The following MICU1 variants were observed in gnomAD, a reference collection of about 807,000 sequenced individuals.
MICU1 encodes the protein calcium uptake protein 1, mitochondrial.
Under a neutral mutation model 56.8 loss-of-function variants are expected in MICU1, and 45 were observed. The observed-to-expected ratio is 0.79, with a 90% confidence interval of 0.62 to 1.02. MICU1 has a LOEUF of 1.02. Ranked by LOEUF, MICU1 falls within the 50% of genes least tolerant of loss-of-function variation. The probability of loss-of-function intolerance (pLI) is 0.00; values close to 1 mark genes in which losing one functional copy is unlikely to be tolerated. For synonymous variants in MICU1, 186 were observed against 195.1 expected, an observed-to-expected ratio of 0.95 and a Z score of 0.39; for missense variants, 504 against 587.1, an observed-to-expected ratio of 0.86 and a Z score of 1.46.
intron 8 of MICU1, among the ~76,000 whole-genome samples, chr10:72,465,115 C>G (rs1865749341): frequency 6.6e-6 from 1 of 152,130 alleles, no homozygotes; most frequent in Admixed American, 6.5e-5. Context: ...ATTCTCATGC[C>G]TCAGCCTCCC....
Position 72,563,057 on chromosome 10 carries a change from A to G in MICU1, c.168T>C (p.His56=). 1 of 1,569,454 alleles carries G rather than the reference A, an allele frequency of 6.4e-7. No individual in the cohort carries two copies. ...TGTCTACACATGGTGGAGATTCTGC[A>G]TGGGCCCTGGATATGCAAAAAAGAA... ...ASTGLLWKRA[H]AESPPCVDNL... The change falls in exon 3 of 12, where the codon CAT becomes CAC. Residue 56 remains histidine (H), a synonymous_variant. Coordinates refer to ENST00000361114, the MANE Select transcript of MICU1 (RefSeq NM_001195518.2).
intron 1 of MICU1, among the ~76,000 whole-genome samples, chr10:72,578,506 C>T (rs1589361646): frequency 6.7e-6 from 1 of 149,678 alleles, no homozygotes. Flanking sequence ...CTCAGTTGAT[C>T]TGCCTGCCTC....
chr10:72,602,534 T>C (rs1350819019), intron 1 of MICU1, among the ~76,000 whole-genome samples: 2 of 152,178 alleles, frequency 1.3e-5, no homozygotes, highest in African/African-American at 4.8e-5. Flanking sequence ...TCATGTCTGT[T>C]TAGGATACAA....
In MICU1 at chr10:72,575,939, C is replaced by T. The variant is rs186631588; in HGVS notation, c.-1-9145G>A. The stretch of plus-strand genomic sequence containing the variant: ...AATCAAAAGCTAGAAGTGGGCCGGG[C>T]GCGGTGGCTCACGCCTGTAATCCCA... On this transcript the variant is annotated intron_variant, in intron 1 of 11. Transcript: ENST00000361114. Among the ~76,000 whole-genome samples the T allele has an allele frequency of 4.3e-4, 66 of 152,260 alleles. 1 individual carries two copies. The highest frequency in any genetic ancestry group is 1.4e-3 in the African/African-American group (58 of 41,548).
intron 1 of MICU1, among the ~76,000 whole-genome samples, chr10:72,619,555 G>T (rs1055580765): frequency 8.5e-5 from 13 of 152,132 alleles, no homozygotes; most frequent in African/African-American, 2.9e-4. Context: ...ATGTACTCAG[G>T]ATATGATGAT....
At chr10:72,460,160 C>T (rs770245805) in intron 8 of MICU1, among the ~76,000 whole-genome samples, 53 of 152,172 alleles carry the variant, frequency 3.5e-4, no homozygotes, top group Admixed American at 3.2e-3. Context: ...TCCAAATATC[C>T]GTGGTGCACC....
intron 6 of MICU1, chr10:72,483,919 T>C (rs1466080521): frequency 6.6e-6 from 1 of 152,242 alleles, no homozygotes; most frequent in Admixed American, 6.5e-5. Context: ...CACTGTGTTA[T>C]TCAATAAAAT....
intron 9 of MICU1, among the ~76,000 whole-genome samples, chr10:72,411,397 G>A (rs1020101420): frequency 8.0e-5 from 12 of 150,780 alleles, no homozygotes; most frequent in East Asian, 3.9e-4. Flanking sequence ...GCGCGATCTC[G>A]GCTCACTGCA....
intron 2 of MICU1, among the ~76,000 whole-genome samples, chr10:72,566,105 A>C (rs893725478): frequency 6.9e-5 from 9 of 129,976 alleles, no homozygotes; most frequent in Non-Finnish European, 1.1e-4. Flanking sequence ...GTACAATGGC[A>C]CAATCTTGGC....
intron 1 of MICU1, among the ~76,000 whole-genome samples, chr10:72,580,470 A>T (rs1040045765): frequency 7.3e-5 from 8 of 109,058 alleles, no homozygotes; most frequent in African/African-American, 2.7e-4. Flanking sequence ...TATTTAATTA[A>T]TTAATTTATT....
intron 1 of MICU1, among the ~76,000 whole-genome samples, chr10:72,595,385 G>C (rs1230642162): frequency 6.8e-6 from 1 of 147,870 alleles, no homozygotes; most frequent in Non-Finnish European, 1.5e-5. Context: ...TCAGGAGACG[G>C]AGGTTGCAGT....
intron 10 of MICU1, among the ~76,000 whole-genome samples, chr10:72,398,684 A>G (rs1863349298): frequency 2.0e-5 from 3 of 152,222 alleles, no homozygotes; most frequent in Admixed American, 2.0e-4. Context: ...ATAAACTAGA[A>G]AATCTAGAAG....
At chr10:72,492,773 A>C (rs1245631761) in intron 6 of MICU1, among the ~76,000 whole-genome samples, 1 of 147,798 alleles carries the variant, frequency 6.8e-6, no homozygotes, top group Non-Finnish European at 1.5e-5. Flanking sequence ...AAAATAAATA[A>C]AATAAAAATA....
chr10:72,504,690 A>G (rs1867185874), intron 6 of MICU1, among the ~76,000 whole-genome samples: 1 of 152,170 alleles, frequency 6.6e-6, no homozygotes, highest in African/African-American at 2.4e-5. Flanking sequence ...GTAAACAGAC[A>G]AACTACAGAA....
At chr10:72,370,085 G>T (rs1453086356) in intron 11 of MICU1, among the ~76,000 whole-genome samples, 1 of 152,140 alleles carries the variant, frequency 6.6e-6, no homozygotes, top group African/African-American at 2.4e-5. Flanking sequence ...CACCGTGTTA[G>T]CCAGGATGGT....
intron 4 of MICU1, among the ~76,000 whole-genome samples, chr10:72,548,134 C>A (rs1359885304): frequency 1.3e-5 from 2 of 152,190 alleles, no homozygotes; most frequent in African/African-American, 4.8e-5. Context: ...GAGAAAGCAA[C>A]AGATACACAA....
rs369046061 is a variant in MICU1, at chr10:72,560,922, T to C, written c.330+1973A>G. Among the ~76,000 whole-genome samples the C allele has an allele frequency of 2.8e-4, 43 of 152,264 alleles. No homozygotes were observed. The South Asian group carries it at 8.5e-3, about 30-fold the overall frequency. On this transcript the variant is annotated intron_variant, in intron 3 of 11. Coordinates refer to ENST00000361114, the MANE Select transcript of MICU1 (RefSeq NM_001195518.2). ...ATGGCATAAAAATGTGGTTTATTAT[T>C]TCTTAAATTATAGATAAATTCTTAA...
intron 6 of MICU1, among the ~76,000 whole-genome samples, chr10:72,478,053 G>A (rs1238780309): frequency 1.3e-5 from 2 of 152,002 alleles, no homozygotes; most frequent in Non-Finnish European, 2.9e-5. Flanking sequence ...ATTTTTAGCA[G>A]AGACGGGGTT....
In MICU1 at chr10:72,375,800, G is replaced by C. The variant is rs1251134088; in HGVS notation, c.1253C>G (p.Ala418Gly). Residue 418 changes from alanine to glycine, a missense_variant, in exon 11 of 12, where the codon GCA (alanine) becomes GGA (glycine). By Grantham distance (60) the Ala-to-Gly change is moderately conservative (BLOSUM62 0). Transcript: ENST00000361114. The part of the protein sequence containing the change: ...LSDHVCDVVF[A>G]LFDCDGNGEL... ...CCACTCACCATCACAGTCAAAGAGT[G>C]CAAACACCACATCACACACGTGGTC... The C allele has an allele frequency of 1.9e-6, 3 of 1,613,080 alleles. No individual in the cohort carries two copies. The highest frequency in any genetic ancestry group is 2.2e-5 in the South Asian group (2 of 90,714).
Sources: allele counts gnomAD v4.1 joint callset (sites outside exome capture counted in the v4.1 genomes callset), GRCh38; gene constraint gnomAD v4.1.1; transcripts MANE v1.5; gene names NCBI Gene and HGNC (gene_info 2026-07-23, HGNC 2026-07-21).